The following EXOC6B variants were observed in gnomAD, a reference collection of about 807,000 sequenced individuals.
The protein encoded by EXOC6B is SEC15 homolog B.
EXOC6B carries 54 observed loss-of-function variants against 113.5 expected under a neutral mutation model. The observed-to-expected ratio is 0.48, with a 90% CI of 0.38 to 0.60. The LOEUF is 0.60. EXOC6B is among the 20% of genes least tolerant of loss of function. The pLI is 0.00. For missense variants in EXOC6B, 797 were observed against 977.5 expected (o/e 0.82, Z 2.46); for synonymous variants, 357 against 339.0 (o/e 1.05, Z -0.58).
chr2:72,525,723 C>T lies in EXOC6B; in HGVS notation c.916-10597G>A, dbSNP rs72845186. Among the ~76,000 whole-genome samples the T allele has an allele frequency of 8.2e-3, 1,254 of 152,216 alleles. 8 individuals are homozygous for T. The highest frequency in any genetic ancestry group is 0.024 in the Middle Eastern group (7 of 294). On this transcript the variant is annotated intron_variant, in intron 8 of 21. Coordinates refer to ENST00000272427, the MANE Select transcript of EXOC6B (RefSeq NM_015189.3). ...AACAAATAAGGTGCAAGTTATTTTACTATTTAAAAAAATCATTAAGACTAA... is the reference window on the plus strand; with the variant it reads ...AACAAATAAGGTGCAAGTTATTTTATTATTTAAAAAAATCATTAAGACTAA...
chr2:72,336,761 C>G (rs566492435), intron 19 of EXOC6B, among the ~76,000 whole-genome samples: 1 of 152,230 alleles, frequency 6.6e-6, no homozygotes, highest in South Asian at 2.1e-4. Context: ...AATCCCAGCA[C>G]TTTGGGAGGC....
At chr2:72,593,453 G>A (rs929784648) in intron 6 of EXOC6B, among the ~76,000 whole-genome samples, 4 of 152,170 alleles carry the variant, frequency 2.6e-5, no homozygotes, top group Non-Finnish European at 4.4e-5. Flanking sequence ...TCACAATTGC[G>A]TTAAATTGGA....
intron 20 of EXOC6B, among the ~76,000 whole-genome samples, chr2:72,251,443 A>G (rs770781627): frequency 2.0e-5 from 3 of 152,254 alleles, no homozygotes; most frequent in Admixed American, 6.5e-5. Flanking sequence ...AGGAATAGAT[A>G]TGAACCACAT....
intron 6 of EXOC6B, among the ~76,000 whole-genome samples, chr2:72,608,656 A>C (rs1670889158): frequency 6.6e-6 from 1 of 152,190 alleles, no homozygotes; most frequent in Admixed American, 6.5e-5. Context: ...AGCTGAAAGA[A>C]ATTTCTTAAA....
intron 1 of EXOC6B, among the ~76,000 whole-genome samples, chr2:72,777,171 G>A (rs1262263867): frequency 2.0e-5 from 3 of 152,062 alleles, no homozygotes; most frequent in African/African-American, 7.2e-5. Flanking sequence ...AACCTGGGAG[G>A]CAGAGGTTGC....
intron 1 of EXOC6B, among the ~76,000 whole-genome samples, chr2:72,802,745 G>A (rs1347820447): frequency 2.6e-5 from 4 of 152,132 alleles, no homozygotes; most frequent in Non-Finnish European, 4.4e-5. Flanking sequence ...TTTCATGCTA[G>A]ATGCTATGAA....
chr2:72,604,322 CA>C (rs1670619117), intron 6 of EXOC6B, among the ~76,000 whole-genome samples: 1 of 152,126 alleles, frequency 6.6e-6, no homozygotes, highest in Non-Finnish European at 1.5e-5. Flanking sequence ...TCAGATTCGT[CA>C]AAGATAACTT....
At chr2:72,576,200 G>C (rs919245292) in intron 6 of EXOC6B, among the ~76,000 whole-genome samples, 1 of 152,056 alleles carries the variant, frequency 6.6e-6, no homozygotes, top group South Asian at 2.1e-4. Context: ...ATAAAATCAG[G>C]AGAATGAATT....
chr2:72,656,061 T>C (rs1674551563), intron 6 of EXOC6B, among the ~76,000 whole-genome samples: 1 of 151,856 alleles, frequency 6.6e-6, no homozygotes, highest in Non-Finnish European at 1.5e-5. Flanking sequence ...ATGTTGGAAA[T>C]AAAAAAATAA....
intron 6 of EXOC6B, among the ~76,000 whole-genome samples, chr2:72,620,694 G>A (rs1227904003): frequency 6.6e-6 from 1 of 151,776 alleles, no homozygotes; most frequent in African/African-American, 2.4e-5. Flanking sequence ...TACAGCAAAA[G>A]AAACTATCAA....
chr2:72,760,461 T>C (rs544328240), intron 1 of EXOC6B: 5 of 152,536 alleles, frequency 3.3e-5, no homozygotes, highest in African/African-American at 1.2e-4. Context: ...ATCAACTATA[T>C]GTTAAACTCC....
In EXOC6B at chr2:72,566,651, T is replaced by A. The variant is rs928825451; in HGVS notation, c.847-7130A>T. Among the ~76,000 whole-genome samples, 13 of 152,284 alleles carry A rather than the reference T, an allele frequency of 8.5e-5. No homozygotes were observed. The East Asian group carries it at 2.1e-3, about 25-fold the overall frequency. On this transcript the variant is annotated intron_variant, in intron 7 of 21. Coordinates refer to ENST00000272427, the MANE Select transcript of EXOC6B (RefSeq NM_015189.3). ...CATTTCACATTTTCACAGAAATATA[T>A]GAGTTCCATTTGCTCTATATCCTTG... is the stretch of plus-strand genomic sequence containing the variant.
chr2:72,641,066 G>T (rs553643386), intron 6 of EXOC6B, among the ~76,000 whole-genome samples: 1 of 152,310 alleles, frequency 6.6e-6, no homozygotes, highest in South Asian at 2.1e-4. Context: ...AGATTATCAA[G>T]ACAGAAAATT....
At chr2:72,820,059 T>G (rs912582450) in intron 1 of EXOC6B, among the ~76,000 whole-genome samples, 1 of 152,180 alleles carries the variant, frequency 6.6e-6, no homozygotes, top group Non-Finnish European at 1.5e-5. Flanking sequence ...ATAAGAGCCA[T>G]GTGGTCAAAG....
intron 20 of EXOC6B, among the ~76,000 whole-genome samples, chr2:72,276,729 A>G (rs183052797): frequency 4.8e-4 from 73 of 152,278 alleles, no homozygotes; most frequent in Middle Eastern, 6.8e-3. Flanking sequence ...AACTGCTCAT[A>G]GTATTAACTT....
chr2:72,575,412 G>A, intron 7 of EXOC6B, 80 bp downstream of exon 7: 1 of 1,306,688 alleles, frequency 7.7e-7, no homozygotes, highest in South Asian at 1.5e-5. Context: ...TACATTATAT[G>A]GATAAACTCT....
At position 72,682,515 on chromosome 2, in the gene EXOC6B, G is replaced by A. The variant is rs528264824; in HGVS notation, c.669+35588C>T. Among the ~76,000 whole-genome samples the A allele has an allele frequency of 9.2e-4, 140 of 151,948 alleles. No homozygotes were observed. In the Middle Eastern group the frequency reaches 0.024, roughly 26 times the overall value. On this transcript the variant is annotated intron_variant, in intron 6 of 21. Transcript: ENST00000272427. ...AAGAAAACTCACTAAGAAGCTTCTT[G>A]AAAGAGAACATGTTTCAAATGAATT... is the stretch of plus-strand genomic sequence containing the variant.
chr2:72,287,894 G>A (rs893056021), intron 20 of EXOC6B, among the ~76,000 whole-genome samples: 7 of 152,052 alleles, frequency 4.6e-5, no homozygotes, highest in African/African-American at 9.7e-5. Flanking sequence ...CCAATCTTAC[G>A]TAAATTCTTC....
chr2:72,484,009 ATC>A (rs1175692989), intron 16 of EXOC6B, among the ~76,000 whole-genome samples: 1 of 152,246 alleles, frequency 6.6e-6, no homozygotes, highest in African/African-American at 2.4e-5. Context: ...TCAAACGACT[ATC>A]TCTCACAAGT....
Sources: allele counts gnomAD v4.1 joint callset (sites outside exome capture counted in the v4.1 genomes callset), GRCh38; gene constraint gnomAD v4.1.1; transcripts MANE v1.5; gene names NCBI Gene and HGNC (gene_info 2026-07-23, HGNC 2026-07-21).